Variants in CBLB observed in about 807,000 individuals in gnomAD.
CBLB encodes Cbl proto-oncogene B.
CBLB carries 31 observed loss-of-function variants against 104.9 expected under a neutral mutation model. That is an observed-to-expected ratio of 0.30 (90% CI 0.22 to 0.40). The LOEUF (loss-of-function observed/expected upper bound fraction) is 0.40. Among genes scored for constraint, CBLB ranks in the 10% least tolerant of loss-of-function variants. The probability of loss-of-function intolerance (pLI) is 1.00; values close to 1 mark genes in which losing one functional copy is unlikely to be tolerated. For missense variants in CBLB, 1,062 were observed against 1,214.6 expected (o/e 0.87, Z 1.87); for synonymous variants, 440 against 422.6 (o/e 1.04, Z -0.51).
intron 3 of CBLB, among the ~76,000 whole-genome samples, chr3:105,812,203 A>C (rs2084402128): frequency 6.6e-6 from 1 of 152,162 alleles, no homozygotes; most frequent in Non-Finnish European, 1.5e-5. Context: ...GCTAGCTATA[A>C]ATATTAAAAG....
At chr3:105,798,685 G>A (rs565805252) in intron 3 of CBLB, among the ~76,000 whole-genome samples, 1 of 152,158 alleles carries the variant, frequency 6.6e-6, no homozygotes, top group Non-Finnish European at 1.5e-5. Flanking sequence ...TATTGAGACT[G>A]GGGGTAGGGG....
chr3:105,853,495 C>A lies in CBLB; in HGVS notation c.338G>T (p.Ser113Ile). 3 of 1,613,362 alleles carry A rather than the reference C, an allele frequency of 1.9e-6. No individual in the cohort carries two copies. Among genetic ancestry groups the A allele is most frequent in the Non-Finnish European group, 2.5e-6 (3 of 1,179,490 alleles). ...ENEYFKIYID[S>I]LMKKSKRAIR... ...TGCCCGTTTTGACTTTTTCATAAGG[C>A]TATCAATGTAGATTTTAAAGTACTC... Residue 113 changes from serine (S) to isoleucine (I), a missense_variant, in exon 3 of 19, where the codon AGC becomes ATC. Physicochemically the swap from Ser to Ile is moderately radical, Grantham distance 142. Around this residue, in one of 2 missense-constraint regions of CBLB, gnomAD observed 457 missense variants for 632.0 expected, o/e 0.72. Transcript: ENST00000394030.
chr3:105,798,732 T>C (rs2082508317), intron 3 of CBLB, among the ~76,000 whole-genome samples: 1 of 151,664 alleles, frequency 6.6e-6, no homozygotes, highest in Non-Finnish European at 1.5e-5. Context: ...AGAGCTACTC[T>C]TTTTTTTCCC....
intron 3 of CBLB, among the ~76,000 whole-genome samples, chr3:105,842,322 C>G (rs2153098828): frequency 6.6e-6 from 1 of 152,262 alleles, no homozygotes; most frequent in South Asian, 2.1e-4. Context: ...GAAAGTATGG[C>G]AAAGTAGCTT....
At chr3:105,688,713 G>C (rs1239458913) in intron 13 of CBLB, among the ~76,000 whole-genome samples, 3 of 151,858 alleles carry the variant, frequency 2.0e-5, no homozygotes, top group Non-Finnish European at 4.4e-5. Flanking sequence ...ACAAAATATA[G>C]CTATATTTGA....
chr3:105,779,798 T>C (rs754551725), intron 3 of CBLB, among the ~76,000 whole-genome samples: 1 of 152,198 alleles, frequency 6.6e-6, no homozygotes. Flanking sequence ...TTGTTTACAA[T>C]GTTTTGCTAT....
chr3:105,868,056 AAG>A (rs1200448465), intron 1 of CBLB: 3 of 497,022 alleles, frequency 6.0e-6, no homozygotes, highest in Non-Finnish European at 1.0e-5. Flanking sequence ...AGATTTCTCC[AAG>A]TTACATAAAC....
chr3:105,754,792 G>C (rs555336601), intron 4 of CBLB, among the ~76,000 whole-genome samples: 1 of 152,194 alleles, frequency 6.6e-6, no homozygotes, highest in East Asian at 1.9e-4. Flanking sequence ...TCAAATAAGA[G>C]TAAGAACTGC....
Position 105,853,538 on chromosome 3 carries a change from C to G in CBLB, c.295G>C (p.Ala99Pro), listed in dbSNP as rs2091221221. ...AAGTACTCATTCTCACTGAGTTGGG[C>G]AAGTTTCTGGTTGTCATCATATTTA... ...LSKYDDNQKL[A>P]QLSENEYFKI... The change falls in exon 3 of 19, where the codon GCC becomes CCC. Residue 99 changes from alanine (A) to proline (P), a missense_variant. Physicochemically the swap from Ala to Pro is conservative, Grantham distance 27. Around this residue, in one of 2 missense-constraint regions of CBLB, gnomAD observed 457 missense variants for 632.0 expected, o/e 0.72. Coordinates refer to ENST00000394030, the MANE Select transcript of CBLB (RefSeq NM_170662.5). 6.2e-7 allele frequency: 1 copy of G among 1,613,586 alleles called. No individual in the cohort carries two copies. The highest frequency in any genetic ancestry group is 8.5e-7 in the Non-Finnish European group (1 of 1,179,784).
chr3:105,747,000 G>A (rs2076165086), intron 5 of CBLB, among the ~76,000 whole-genome samples: 1 of 152,166 alleles, frequency 6.6e-6, no homozygotes, highest in Non-Finnish European at 1.5e-5. Flanking sequence ...AAAGGTTTAG[G>A]GTTTAAAAGT....
Position 105,656,107 on chromosome 3 carries a change from G to A in CBLB, c.*2863C>T, listed in dbSNP as rs2063324167. On this transcript the variant is annotated 3_prime_UTR_variant, in exon 19 of 19. Coordinates refer to ENST00000394030, the MANE Select transcript of CBLB (RefSeq NM_170662.5). ...TTATTCAATTCTAGAAAAATTTGGT[G>A]AGATATATCATACATTAGGGGATAA... The A allele has an allele frequency of 4.5e-6, 1 of 222,004 alleles. No individual in the cohort carries two copies. Among genetic ancestry groups the A allele is most frequent in the Admixed American group, 5.7e-5 (1 of 17,412 alleles). 13.8% of individuals were successfully genotyped at this position (222,004 alleles called of 1,614,324 possible). A position where few individuals can be genotyped will look rare whatever the true frequency, so the allele number is the denominator to read the frequency against.
chr3:105,714,121 A>T (rs1291918959), intron 10 of CBLB, among the ~76,000 whole-genome samples: 1 of 152,178 alleles, frequency 6.6e-6, no homozygotes, highest in Non-Finnish European at 1.5e-5. Flanking sequence ...TTCAGATTTA[A>T]ATAGACAACG....
rs149481268 is a variant in CBLB at position 105,796,835 on chromosome 3, T to C, written c.420-20293A>G. ...CAACAAGCATAGGAAAAAATGTTCA[T>C]CACTAATCATTAGAGAAATGCAAAT... On this transcript the variant is annotated intron_variant, in intron 3 of 18. Coordinates refer to ENST00000394030, the MANE Select transcript of CBLB (RefSeq NM_170662.5). 9.3e-4 allele frequency among the ~76,000 whole-genome samples: 141 copies of C among 152,296 alleles called. 1 individual carries two copies. The East Asian group carries it at 0.026, about 28-fold the overall frequency.
intron 3 of CBLB, among the ~76,000 whole-genome samples, chr3:105,834,055 T>TC (rs1355652985): frequency 7.8e-6 from 1 of 128,750 alleles, no homozygotes; most frequent in Non-Finnish European, 1.6e-5. Context: ...TTCAACAACC[T>TC]TAAAAAATAT....
intron 2 of CBLB, among the ~76,000 whole-genome samples, chr3:105,858,579 C>T (rs2091826207): frequency 6.6e-6 from 1 of 152,192 alleles, no homozygotes. Context: ...CTTTGTAGGG[C>T]ACCGATTGGT....
intron 18 of CBLB, among the ~76,000 whole-genome samples, chr3:105,663,816 G>A (rs1458882691): frequency 1.3e-5 from 2 of 151,562 alleles, no homozygotes; most frequent in African/African-American, 4.8e-5. Context: ...AAAGAGCCAT[G>A]GTACATAGAG....
At chr3:105,754,147 G>C (rs1035093763) in intron 4 of CBLB, among the ~76,000 whole-genome samples, 1 of 152,026 alleles carries the variant, frequency 6.6e-6, no homozygotes, top group Non-Finnish European at 1.5e-5. Context: ...CTGGGGAACA[G>C]AGGTAGGGGG....
chr3:105,719,972 ACTC>A, intron 10 of CBLB, 72 bp downstream of exon 10: 1 of 1,108,324 alleles, frequency 9.0e-7, no homozygotes, highest in East Asian at 2.4e-5. Flanking sequence ...GCTGAGTCAT[ACTC>A]CATTTATGAC....
chr3:105,853,961 A>G (rs945301277), intron 2 of CBLB, among the ~76,000 whole-genome samples: 1 of 152,128 alleles, frequency 6.6e-6, no homozygotes, highest in Non-Finnish European at 1.5e-5. Context: ...TAATCACTGT[A>G]TATCACTGAT....
Sources: allele counts gnomAD v4.1 joint callset (sites outside exome capture counted in the v4.1 genomes callset), GRCh38; gene constraint gnomAD v4.1.1; regional missense constraint gnomAD v4.1.1; transcripts MANE v1.5; gene names NCBI Gene and HGNC (gene_info 2026-07-23, HGNC 2026-07-21).